Variants in ACBD6 observed in about 807,000 individuals in gnomAD.
ACBD6 encodes the protein acyl-CoA binding domain containing 6.
Under a neutral mutation model 37.2 loss-of-function variants are expected in ACBD6, and 28 were observed. That is an observed-to-expected ratio of 0.75 (90% CI 0.56 to 1.03). The LOEUF (loss-of-function observed/expected upper bound fraction) is 1.03. ACBD6 is among the 50% of genes least tolerant of loss of function. The probability of loss-of-function intolerance (pLI) is 0.00; values close to 1 mark genes in which losing one functional copy is unlikely to be tolerated. For synonymous variants in ACBD6, 113 were observed against 126.8 expected, an observed-to-expected ratio of 0.89 and a Z score of 0.73; for missense variants, 340 against 337.4, an observed-to-expected ratio of 1.01 and a Z score of -0.06.
chr1:180,288,194 T>C (rs537670087), downstream of ACBD6: 12 of 859,444 alleles, frequency 1.4e-5, no homozygotes, highest in African/African-American at 1.2e-4. Context: ...CTGCCTAGAA[T>C]GTATGCAAGA....
At chr1:180,472,100 A>G (rs1179351713) in intron 3 of ACBD6, among the ~76,000 whole-genome samples, 1 of 152,230 alleles carries the variant, frequency 6.6e-6, no homozygotes, top group East Asian at 1.9e-4. Flanking sequence ...ATAGGTACGT[A>G]TAGGGCAAGG....
At chr1:180,298,663 T>C (rs1650012631) in intron 7 of ACBD6, among the ~76,000 whole-genome samples, 1 of 152,306 alleles carries the variant, frequency 6.6e-6, no homozygotes, top group Non-Finnish European at 1.5e-5. Context: ...TTGACAGATG[T>C]GAATGAAATT....
At chr1:180,360,680 T>C (rs1280746838) in intron 6 of ACBD6, among the ~76,000 whole-genome samples, 3 of 152,198 alleles carry the variant, frequency 2.0e-5, no homozygotes, top group African/African-American at 7.2e-5. Context: ...CTTTGTGAAG[T>C]AATTAAATGT....
At position 180,274,419 on chromosome 1, in the gene ACBD6, T is replaced by G. The variant is rs1039467779; in HGVS notation, c.*936+232A>C. ...CTGGATTACACGGTGGACAGTAATT[T>G]GGGCATCATTGCGCATGCAGGGCAG... is the stretch of plus-strand genomic sequence containing the variant. On this transcript the variant is annotated intron_variant, in intron 10 of 13. Transcript: ENST00000642319. 7 of 1,614,166 alleles carry G rather than the reference T, an allele frequency of 4.3e-6. No individual in the cohort carries two copies. The Admixed American group carries it at 1.0e-4, about 23-fold the overall frequency.
In ACBD6 at chr1:180,455,337, C is replaced by T. The variant is rs566490676; in HGVS notation, c.385-25075G>A. 3.4e-5 allele frequency among the ~76,000 whole-genome samples: 5 copies of T among 148,746 alleles called. No homozygotes were observed. The East Asian group carries it at 7.9e-4, about 24-fold the overall frequency. ...GGTGAACAATGAAAACACATGGACA[C>T]GGGGAGGGGAACATCACACACCAGG... is the stretch of plus-strand genomic sequence containing the variant. On this transcript the variant is annotated intron_variant, in intron 3 of 7. Coordinates refer to ENST00000367595, the MANE Select transcript of ACBD6 (RefSeq NM_032360.4).
intron 3 of ACBD6, among the ~76,000 whole-genome samples, chr1:180,477,539 C>T (rs1395181295): frequency 1.3e-5 from 2 of 151,982 alleles, no homozygotes; most frequent in African/African-American, 4.8e-5. Flanking sequence ...TTCCTAGTAA[C>T]AAAACATGTC....
chr1:180,367,393 A>C (rs1653091806), intron 6 of ACBD6, among the ~76,000 whole-genome samples: 1 of 152,168 alleles, frequency 6.6e-6, no homozygotes, highest in African/African-American at 2.4e-5. Context: ...TTTTAAAAAA[A>C]CTTTTATTTT....
chr1:180,356,406 T>A (rs1652630568), intron 6 of ACBD6, among the ~76,000 whole-genome samples: 1 of 147,284 alleles, frequency 6.8e-6, no homozygotes, highest in Non-Finnish European at 1.5e-5. Flanking sequence ...ATCTGGGCTC[T>A]AGCTATCCAC....
At chr1:180,446,088 C>T (rs1649462196) in intron 3 of ACBD6, among the ~76,000 whole-genome samples, 1 of 151,958 alleles carries the variant, frequency 6.6e-6, no homozygotes, top group Non-Finnish European at 1.5e-5. Context: ...TCAACTTCTG[C>T]TTCCCAGGCT....
chr1:180,359,832 C>A (rs1258877264), intron 6 of ACBD6, among the ~76,000 whole-genome samples: 1 of 152,050 alleles, frequency 6.6e-6, no homozygotes, highest in Non-Finnish European at 1.5e-5. Context: ...ATTTTAAGAA[C>A]AGATGAATAA....
chr1:180,364,146 T>C (rs1048945898), intron 6 of ACBD6, among the ~76,000 whole-genome samples: 8 of 152,212 alleles, frequency 5.3e-5, no homozygotes, highest in African/African-American at 1.9e-4. Context: ...CTGGCTAATA[T>C]TGGGCTAATA....
intron 6 of ACBD6, among the ~76,000 whole-genome samples, chr1:180,350,593 A>C (rs927966815): frequency 1.3e-5 from 2 of 151,672 alleles, no homozygotes; most frequent in Admixed American, 6.6e-5. Context: ...ACACACCCAC[A>C]CTCACCCAAA....
intron 7 of ACBD6, among the ~76,000 whole-genome samples, chr1:180,293,152 G>A (rs1200124109): frequency 6.6e-6 from 1 of 152,106 alleles, no homozygotes; most frequent in East Asian, 1.9e-4. Flanking sequence ...TTGCATCTAT[G>A]TTCATAAGGA....
chr1:180,361,481 T>A (rs564513193), intron 6 of ACBD6, among the ~76,000 whole-genome samples: 6,970 of 152,152 alleles, frequency 0.046, 212 homozygotes, highest in Non-Finnish European at 0.065. Flanking sequence ...GACACTTTTT[T>A]AAAAGAAAAT....
At chr1:180,387,880 A>G (rs1653903937) in intron 6 of ACBD6, among the ~76,000 whole-genome samples, 1 of 152,174 alleles carries the variant, frequency 6.6e-6, no homozygotes, top group Non-Finnish European at 1.5e-5. Context: ...AGAAACAAAA[A>G]GAAAACCCAG....
chr1:180,306,056 C>G (rs1330540883), intron 7 of ACBD6, among the ~76,000 whole-genome samples: 10 of 133,520 alleles, frequency 7.5e-5, no homozygotes, highest in Middle Eastern at 5.0e-3. Flanking sequence ...AATGAGAACA[C>G]GTGGACACAG....
In ACBD6 at chr1:180,433,840, C is replaced by T. The variant is rs975410611; in HGVS notation, c.385-3578G>A. On this transcript the variant is annotated intron_variant, in intron 3 of 7. Coordinates refer to ENST00000367595, the MANE Select transcript of ACBD6 (RefSeq NM_032360.4). ...CCTTTCTGATTGTGGGTCACAATCC[C>T]GAGAGAGAGTCCTGCCCTATACCCT... Among the ~76,000 whole-genome samples the T allele has an allele frequency of 1.3e-5, 2 of 151,754 alleles. 1 individual carries two copies. The highest frequency in any genetic ancestry group is 1.3e-4 in the Admixed American group (2 of 15,226).
chr1:180,463,408 C>T (rs769721465), intron 3 of ACBD6, among the ~76,000 whole-genome samples: 3 of 152,102 alleles, frequency 2.0e-5, no homozygotes, highest in Non-Finnish European at 2.9e-5. Flanking sequence ...AAATGACCAT[C>T]AGAGAATATT....
intron 3 of ACBD6, among the ~76,000 whole-genome samples, chr1:180,437,083 C>T (rs145134913): frequency 4.6e-5 from 7 of 152,354 alleles, no homozygotes; most frequent in African/African-American, 1.7e-4. Context: ...TCATGGTCTT[C>T]ACATTTGGTG....
Sources: gnomAD v4.1 joint callset for allele counts (sites outside exome capture counted in the v4.1 genomes callset) on GRCh38, gnomAD v4.1.1 for gene constraint, MANE v1.5 for transcripts, NCBI Gene and HGNC (gene_info 2026-07-23, HGNC 2026-07-21) for gene names.